CCNY: variants seen among roughly 807,000 people sequenced by gnomAD.
The protein encoded by CCNY is cyclin Y, also known as cyclin-Y.
A neutral mutation model predicts 42.8 loss-of-function variants in CCNY; 19 were observed. The ratio of observed to expected loss-of-function variants is 0.44; its 90% CI spans 0.31 to 0.65. CCNY has a LOEUF of 0.65. Among genes scored for constraint, CCNY ranks in the 30% least tolerant of loss-of-function variants. The pLI is 0.07. For missense variants in CCNY, 370 were observed against 437.3 expected (o/e 0.85, Z 1.37); for synonymous variants, 165 against 162.7 (o/e 1.01, Z -0.11).
Position 35,299,334 on chromosome 10 carries a change from G to C in CCNY, c.-9+48708G>C, listed in dbSNP as rs186798919. On this transcript the variant is annotated intron_variant, in intron 3 of 11. Coordinates refer to the CCNY transcript ENST00000374706. ...CTGTATTCATACCAGTTTTCTGTCT[G>C]CTATTTCTATCAATACAAGAGAAGG... Among the ~76,000 whole-genome samples, 29 of 152,316 alleles carry C rather than the reference G, an allele frequency of 1.9e-4. No homozygotes were observed. In the East Asian group the frequency reaches 4.8e-3, roughly 25 times the overall value.
chr10:35,541,906 T>A (rs2135436566), intron 7 of CCNY, among the ~76,000 whole-genome samples: 1 of 151,274 alleles, frequency 6.6e-6, no homozygotes, highest in East Asian at 1.9e-4. Context: ...TTCTTTAGGA[T>A]CCCATCCAGG....
intron 1 of CCNY, among the ~76,000 whole-genome samples, chr10:35,429,122 A>G (rs1490524185): frequency 2.6e-5 from 4 of 152,214 alleles, no homozygotes; most frequent in Non-Finnish European, 5.9e-5. Context: ...CAGGCTGGGT[A>G]GTGAAGTGTA....
intron 3 of CCNY, among the ~76,000 whole-genome samples, chr10:35,252,016 C>A (rs2095712359): frequency 1.3e-5 from 2 of 152,040 alleles, no homozygotes; most frequent in African/African-American, 4.8e-5. Context: ...GACTAACAGG[C>A]AAATTAAGGT....
intron 1 of CCNY, among the ~76,000 whole-genome samples, chr10:35,463,992 G>A (rs1187985306): frequency 6.6e-6 from 1 of 152,324 alleles, no homozygotes; most frequent in East Asian, 1.9e-4. Flanking sequence ...AGCTGGAGAT[G>A]GTAACAGGCT....
chr10:35,549,481 G>T (rs966934399), intron 7 of CCNY, among the ~76,000 whole-genome samples: 2 of 149,372 alleles, frequency 1.3e-5, no homozygotes, highest in African/African-American at 5.0e-5. Flanking sequence ...GTGACCCTGT[G>T]CTGCTCATGG....
At chr10:35,408,428 T>C (rs1837831277) in intron 1 of CCNY, among the ~76,000 whole-genome samples, 1 of 152,202 alleles carries the variant, frequency 6.6e-6, no homozygotes, top group African/African-American at 2.4e-5. Flanking sequence ...TCATTAGTTC[T>C]TACAGGTTTT....
intron 2 of CCNY, among the ~76,000 whole-genome samples, chr10:35,497,019 C>G (rs1840016188): frequency 6.6e-6 from 1 of 152,188 alleles, no homozygotes; most frequent in East Asian, 1.9e-4. Flanking sequence ...CTGTTTACAT[C>G]TTTATGGACT....
At chr10:35,524,246 A>G (rs1840605130) in intron 4 of CCNY, among the ~76,000 whole-genome samples, 2 of 152,158 alleles carry the variant, frequency 1.3e-5, no homozygotes, top group South Asian at 4.1e-4. Context: ...AAACCTTACT[A>G]TTTTTTATAA....
intron 5 of CCNY, among the ~76,000 whole-genome samples, chr10:35,528,753 C>T (rs1263780528): frequency 6.6e-6 from 1 of 152,104 alleles, no homozygotes; most frequent in African/African-American, 2.4e-5. Flanking sequence ...TGCTGTTGTG[C>T]AAATGTAGGA....
intron 1 of CCNY, among the ~76,000 whole-genome samples, chr10:35,477,029 A>C (rs1382413075): frequency 6.6e-6 from 1 of 151,868 alleles, no homozygotes; most frequent in East Asian, 1.9e-4. Flanking sequence ...ATAAACTAGA[A>C]AATCTAGAAG....
intron 1 of CCNY, among the ~76,000 whole-genome samples, chr10:35,385,512 T>C (rs1218050522): frequency 6.6e-6 from 1 of 152,234 alleles, no homozygotes; most frequent in African/African-American, 2.4e-5. Flanking sequence ...TAATATCATT[T>C]GGTACCTGCA....
In CCNY at chr10:35,273,368, A is replaced by AT. The variant is rs567067789; in HGVS notation, c.-9+22750dup. Among the ~76,000 whole-genome samples the AT allele has an allele frequency of 1.6e-3, 242 of 151,386 alleles. No individual in the cohort carries two copies. In the Middle Eastern group the frequency reaches 0.024, roughly 15 times the overall value. ...AGGCGTGCACCACCATGCCCGGCTCATTTTTTTTGTATTTTTAGTAGAGAT... is the reference window on the plus strand; with the variant it reads ...AGGCGTGCACCACCATGCCCGGCTCATTTTTTTTTGTATTTTTAGTAGAGAT... On this transcript the variant is annotated intron_variant, in intron 3 of 11. Coordinates refer to the CCNY transcript ENST00000374706.
intron 1 of CCNY, among the ~76,000 whole-genome samples, chr10:35,381,123 G>T (rs1337203292): frequency 6.6e-6 from 1 of 152,168 alleles, no homozygotes; most frequent in Non-Finnish European, 1.5e-5. Flanking sequence ...TAAATGTCTA[G>T]AATTTTGCCT....
At chr10:35,532,535 C>G (rs891288335) in intron 7 of CCNY, among the ~76,000 whole-genome samples, 2 of 152,244 alleles carry the variant, frequency 1.3e-5, no homozygotes, top group African/African-American at 4.8e-5. Context: ...GTAACAATAA[C>G]TTAGATCACT....
intron 1 of CCNY, among the ~76,000 whole-genome samples, chr10:35,384,855 G>A (rs1396307415): frequency 6.6e-6 from 1 of 152,166 alleles, no homozygotes; most frequent in African/African-American, 2.4e-5. Context: ...TGAGAATTCT[G>A]TTGGCTCCTC....
At chr10:35,528,469 C>T (rs181446405) in intron 5 of CCNY, among the ~76,000 whole-genome samples, 4 of 152,110 alleles carry the variant, frequency 2.6e-5, no homozygotes, top group South Asian at 2.1e-4. Context: ...TTTGGGAGGC[C>T]GAGGCAGGCG....
At chr10:35,399,000 T>C (rs1837585257) in intron 1 of CCNY, among the ~76,000 whole-genome samples, 1 of 152,220 alleles carries the variant, frequency 6.6e-6, no homozygotes, top group East Asian at 1.9e-4. Flanking sequence ...GGTATGTCAG[T>C]CCCTTATAGC....
At chr10:35,297,611 A>T (rs1427852677) in intron 3 of CCNY, among the ~76,000 whole-genome samples, 1 of 152,208 alleles carries the variant, frequency 6.6e-6, no homozygotes, top group African/African-American at 2.4e-5. Context: ...TCTCTGCCCT[A>T]AAACTCCTTG....
Position 35,287,108 on chromosome 10 carries a change from CCTAA to C in CCNY, c.-9+36485_-9+36488del, listed in dbSNP as rs1336831668. ...TATGTAGAACTTAAAAGGATTTATT[CCTAA>C]CTGAGACTCAAACTCAAAGGTTAGA... On this transcript the variant is annotated intron_variant, in intron 3 of 11. Coordinates refer to the CCNY transcript ENST00000374706. Among the ~76,000 whole-genome samples the C allele has an allele frequency of 1.1e-4, 16 of 152,204 alleles. No individual in the cohort carries two copies. In the East Asian group the frequency reaches 2.1e-3, roughly 20 times the overall value.
Sources: allele counts gnomAD v4.1 joint callset (sites outside exome capture counted in the v4.1 genomes callset), GRCh38; gene constraint gnomAD v4.1.1; transcripts MANE v1.5; gene names NCBI Gene and HGNC (gene_info 2026-07-23, HGNC 2026-07-21).